IQGAP2: variants seen among roughly 807,000 people sequenced by gnomAD.
IQGAP2 encodes the protein ras GTPase-activating-like protein IQGAP2.
In IQGAP2, 173 loss-of-function variants were observed where a neutral mutation model predicts 201.3. That is an observed-to-expected ratio of 0.86 (90% CI 0.76 to 0.98). IQGAP2 has a LOEUF of 0.98. Among genes scored for constraint, IQGAP2 ranks in the 50% least tolerant of loss-of-function variants. IQGAP2 has a pLI of 0.00. For synonymous variants in IQGAP2, 675 were observed against 673.9 expected, an observed-to-expected ratio of 1.00 and a Z score of -0.03; for missense variants, 1,687 against 1,864.8, an observed-to-expected ratio of 0.90 and a Z score of 1.76.
intron 18 of IQGAP2, among the ~76,000 whole-genome samples, chr5:76,653,134 G>A (rs1356696530): frequency 1.3e-5 from 2 of 152,172 alleles, no homozygotes; most frequent in Non-Finnish European, 2.9e-5. Context: ...TTAGACTTTA[G>A]GTAGAACCCA....
At chr5:76,426,446 CCAAA>C (rs1452303576) in intron 1 of IQGAP2, among the ~76,000 whole-genome samples, 1 of 152,146 alleles carries the variant, frequency 6.6e-6, no homozygotes, top group Non-Finnish European at 1.5e-5. Context: ...AGAAGGGAAA[CCAAA>C]CAGTTGGAGA....
Position 76,461,555 on chromosome 5 carries a change from A to T in IQGAP2, c.47-15A>T. On this transcript the variant is annotated splice_polypyrimidine_tract_variant and intron_variant, in intron 1 of 35. Transcript: ENST00000274364. ...CTGCCTTTGTAAATCACATGTTGTT[A>T]TCCTCTATTTCTAGCTATTGTGGAC... The T allele has an allele frequency of 6.3e-7, 1 of 1,585,488 alleles. No homozygotes were observed. Among genetic ancestry groups the T allele is most frequent in the Non-Finnish European group, 8.7e-7 (1 of 1,154,882 alleles).
intron 17 of IQGAP2, among the ~76,000 whole-genome samples, chr5:76,642,782 G>A (rs969646202): frequency 2.6e-5 from 4 of 152,166 alleles, no homozygotes; most frequent in African/African-American, 9.7e-5. Flanking sequence ...AAAACTCCTA[G>A]GCCGAGGCCA....
chr5:76,493,331 C>A (rs1043233717), intron 2 of IQGAP2, among the ~76,000 whole-genome samples: 26 of 151,762 alleles, frequency 1.7e-4, no homozygotes, highest in African/African-American at 6.3e-4. Flanking sequence ...ACTCTGAGCA[C>A]ACTGGCCTCC....
chr5:76,629,749 T>G (rs1411379381), intron 14 of IQGAP2, among the ~76,000 whole-genome samples: 1 of 152,190 alleles, frequency 6.6e-6, no homozygotes, highest in African/African-American at 2.4e-5. Context: ...ACCTCCACTG[T>G]GAATGTGTGC....
chr5:76,575,738 C>T lies in IQGAP2; in HGVS notation c.427C>T (p.Pro143Ser), dbSNP rs2150281705. 6.3e-7 allele frequency: 1 copy of T among 1,591,554 alleles called. No individual in the cohort carries two copies. The highest frequency in any genetic ancestry group is 8.6e-7 in the Non-Finnish European group (1 of 1,166,710). ...AGATGTCTATGATCGGAAAAACATA[C>T]CAAGAATGATATATTGCATTCACGC... ...TTDVYDRKNI[P>S]RMIYCIHALS... The change falls in exon 5 of 36, where the codon CCA becomes TCA. Residue 143 changes from proline to serine, a missense_variant. Coordinates refer to ENST00000274364, the MANE Select transcript of IQGAP2 (RefSeq NM_006633.5).
At chr5:76,438,636 T>G (rs1386681471) in intron 1 of IQGAP2, among the ~76,000 whole-genome samples, 1 of 152,092 alleles carries the variant, frequency 6.6e-6, no homozygotes, top group African/African-American at 2.4e-5. Flanking sequence ...AGAGATGGAC[T>G]TTCACCATGT....
At chr5:76,442,896 A>G (rs1222156804) in intron 1 of IQGAP2, among the ~76,000 whole-genome samples, 3 of 152,372 alleles carry the variant, frequency 2.0e-5, no homozygotes, top group South Asian at 4.1e-4. Context: ...CTGAGGCACA[A>G]GAATCACTTG....
chr5:76,650,498 A>G (rs1267044347), intron 17 of IQGAP2, among the ~76,000 whole-genome samples: 1 of 152,200 alleles, frequency 6.6e-6, no homozygotes, highest in Non-Finnish European at 1.5e-5. Flanking sequence ...TTTTGTTAAC[A>G]TGTGGTATCA....
At chr5:76,455,490 C>G (rs1194375488) in intron 1 of IQGAP2, among the ~76,000 whole-genome samples, 1 of 147,366 alleles carries the variant, frequency 6.8e-6, no homozygotes, top group African/African-American at 2.5e-5. Flanking sequence ...ACAAACAAAA[C>G]CAACAAGTGT....
chr5:76,596,511 G>A (rs1747044595), intron 9 of IQGAP2, among the ~76,000 whole-genome samples: 1 of 152,196 alleles, frequency 6.6e-6, no homozygotes, highest in Non-Finnish European at 1.5e-5. Flanking sequence ...ATCACAGAGT[G>A]TATTAGTCCA....
At chr5:76,621,426 C>T (rs1308491969) in intron 13 of IQGAP2, among the ~76,000 whole-genome samples, 1 of 152,256 alleles carries the variant, frequency 6.6e-6, no homozygotes, top group Non-Finnish European at 1.5e-5. Flanking sequence ...TTGTGTGACA[C>T]ACAAACCCTT....
intron 2 of IQGAP2, among the ~76,000 whole-genome samples, chr5:76,541,318 G>C (rs1269687027): frequency 2.0e-5 from 3 of 151,976 alleles, no homozygotes; most frequent in Non-Finnish European, 1.5e-5. Flanking sequence ...TTTTAACTTA[G>C]TGTCATGTCT....
At chr5:76,429,582 TTA>T (rs70982604) in intron 1 of IQGAP2, among the ~76,000 whole-genome samples, 33 of 120,712 alleles carry the variant, frequency 2.7e-4, no homozygotes, top group Non-Finnish European at 3.4e-4. Context: ...AAAAAAAAAT[TTA>T]TATATATATA....
chr5:76,611,159 C>A lies in IQGAP2; in HGVS notation c.1497C>A (p.Tyr499Ter). 1 of 1,612,046 alleles carries A rather than the reference C, an allele frequency of 6.2e-7. No individual in the cohort carries two copies. The highest frequency in any genetic ancestry group is 8.5e-7 in the Non-Finnish European group (1 of 1,179,408). The change falls in exon 13 of 36, where the codon TAC becomes TAA. Residue 499 changes from tyrosine to a stop codon, truncating the protein, a stop_gained. Coordinates refer to ENST00000274364, the MANE Select transcript of IQGAP2 (RefSeq NM_006633.5). LOFTEE classifies it high-confidence loss of function. ...CCCAGCACTACCAGGATGTTTTATA[C>A]CATGCTAAATCACAGAAACTCGGAG... is the stretch of plus-strand genomic sequence containing the variant. ...AHAQHYQDVL[Y>*]HAKSQKLGDS... is the part of the protein sequence containing the mutation.
intron 21 of IQGAP2, among the ~76,000 whole-genome samples, chr5:76,664,227 T>C (rs1380375081): frequency 6.6e-6 from 1 of 152,208 alleles, no homozygotes; most frequent in East Asian, 1.9e-4. Flanking sequence ...CATATGGTTA[T>C]TAATTAACCT....
intron 20 of IQGAP2, among the ~76,000 whole-genome samples, chr5:76,655,617 T>C (rs980083982): frequency 1.3e-5 from 2 of 152,130 alleles, no homozygotes; most frequent in African/African-American, 4.8e-5. Flanking sequence ...CCAGCTAATA[T>C]TTTGTATTTT....
At chr5:76,542,799 C>A (rs1003678265) in intron 2 of IQGAP2, among the ~76,000 whole-genome samples, 2 of 152,178 alleles carry the variant, frequency 1.3e-5, no homozygotes, top group Non-Finnish European at 2.9e-5. Flanking sequence ...TTTAGCTCTG[C>A]CACATTCTAA....
At chr5:76,683,947 T>C in intron 30 of IQGAP2, 30 bp downstream of exon 30, 1 of 1,579,868 alleles carries the variant, frequency 6.3e-7, no homozygotes, top group Non-Finnish European at 8.6e-7. Flanking sequence ...GGCACATGTC[T>C]CCAAATACAC....
Sources: allele counts gnomAD v4.1 joint callset (sites outside exome capture counted in the v4.1 genomes callset), GRCh38; gene constraint gnomAD v4.1.1; transcripts MANE v1.5; gene names NCBI Gene and HGNC (gene_info 2026-07-23, HGNC 2026-07-21).